The following RMND5A variants were observed in gnomAD, a reference collection of about 807,000 sequenced individuals.
The protein encoded by RMND5A is required for meiotic nuclear division 5 homolog A.
Under a neutral mutation model 49.7 loss-of-function variants are expected in RMND5A, and 17 were observed. The observed-to-expected ratio is 0.34, with a 90% CI of 0.23 to 0.51. The LOEUF (loss-of-function observed/expected upper bound fraction) is 0.51, where lower values mean the gene tolerates loss of function less well. Among genes scored for constraint, RMND5A ranks in the 20% least tolerant of loss-of-function variants. The pLI is 0.96. For missense variants in RMND5A, 255 were observed against 471.3 expected, an observed-to-expected ratio of 0.54 and a Z score of 4.25; for synonymous variants, 156 against 167.7, an observed-to-expected ratio of 0.93 and a Z score of 0.54.
intron 6 of RMND5A, among the ~76,000 whole-genome samples, chr2:86,766,661 C>CAAAAAAAAAAAAAAAAAAAAA (rs59511898): frequency 1.3e-5 from 1 of 77,018 alleles, no homozygotes; most frequent in African/African-American, 5.3e-5. Flanking sequence ...GAGACTGTCT[C>CAAAAAAAAAAAAAAAAAAAAA]AAAAAAAAAA....
At chr2:86,762,711 TATATATC>T (rs1453034278) in intron 4 of RMND5A, among the ~76,000 whole-genome samples, 1 of 133,516 alleles carries the variant, frequency 7.5e-6, no homozygotes, top group African/African-American at 3.0e-5. Context: ...ATATATATCA[TATATATC>T]ATATATATCA....
At chr2:86,755,942 T>G (rs1681729710) in intron 4 of RMND5A, among the ~76,000 whole-genome samples, 1 of 152,204 alleles carries the variant, frequency 6.6e-6, no homozygotes, top group Non-Finnish European at 1.5e-5. Flanking sequence ...TCTTAACCTA[T>G]TCAACCCTCA....
Position 86,776,240 on chromosome 2 carries a change from A to G in RMND5A, c.*2829A>G, listed in dbSNP as rs1361368405. ...GATCTTTTTTCTCCGTTGTGTGATC[A>G]CAGATGCTATTTCTGTTTTATTGGT... On this transcript the variant is annotated 3_prime_UTR_variant, in exon 9 of 9. Coordinates refer to ENST00000283632, the MANE Select transcript of RMND5A (RefSeq NM_022780.4). The G allele has an allele frequency of 2.0e-5, 3 of 152,316 alleles. No homozygotes were observed. The East Asian group carries it at 5.8e-4, about 29-fold the overall frequency. 9.4% of individuals were successfully genotyped at this position (152,316 alleles called of 1,614,324 possible).
In RMND5A at chr2:86,776,930, C is replaced by G. The variant is rs1672780981; in HGVS notation, c.*3519C>G. The G allele has an allele frequency of 6.6e-6, 1 of 152,166 alleles. No homozygotes were observed. The highest frequency in any genetic ancestry group is 1.5e-5 in the Non-Finnish European group (1 of 68,040). 9.4% of individuals were successfully genotyped at this position (152,166 alleles called of 1,614,324 possible). ...ATAGAAGATTTGGTGTTTCATAAGC[C>G]TGTCTAGGTGTGGCAGGTTTTGTGT... On this transcript the variant is annotated 3_prime_UTR_variant, in exon 9 of 9. Coordinates refer to ENST00000283632, the MANE Select transcript of RMND5A (RefSeq NM_022780.4).
intron 2 of RMND5A, among the ~76,000 whole-genome samples, chr2:86,750,111 G>C (rs1353504236): frequency 6.6e-6 from 1 of 152,300 alleles, no homozygotes; most frequent in Non-Finnish European, 1.5e-5. Flanking sequence ...TTTTTAAAAA[G>C]AAATGCAAAA....
At chr2:86,763,733 A>G (rs1277836218) in intron 4 of RMND5A, among the ~76,000 whole-genome samples, 2 of 151,994 alleles carry the variant, frequency 1.3e-5, no homozygotes, top group Non-Finnish European at 2.9e-5. Flanking sequence ...CCACGATTAC[A>G]CTACTGCACA....
chr2:86,757,047 C>T (rs557286316), intron 4 of RMND5A, among the ~76,000 whole-genome samples: 2 of 152,130 alleles, frequency 1.3e-5, no homozygotes, highest in Admixed American at 1.3e-4. Flanking sequence ...GTGGCGCATG[C>T]CTGTAATCCC....
At chr2:86,771,523 T>C (rs1672684627) in intron 7 of RMND5A, 35 bp from the exon 8 acceptor site, 1 of 1,569,256 alleles carries the variant, frequency 6.4e-7, no homozygotes, top group African/African-American at 1.5e-5. Context: ...GAAATATGAC[T>C]TCAGCTTTTT....
chr2:86,760,332 C>T (rs1672445773), intron 4 of RMND5A, among the ~76,000 whole-genome samples: 1 of 152,254 alleles, frequency 6.6e-6, no homozygotes, highest in South Asian at 2.1e-4. Flanking sequence ...GCCTAAGCCA[C>T]TGCACCCAGC....
rs1558728879 is a variant in RMND5A at position 86,774,084 on chromosome 2, AGAGTGGAAG to A, written c.*678_*686del. Reference sequence around the variant, plus strand: ...GGTGTGAGAAGTCTTCCGTTAGCATAGAGTGGAAGGAGTACTATTGTTTGGTTGGGTTTT... The same window carrying A: ...GGTGTGAGAAGTCTTCCGTTAGCATAGAGTACTATTGTTTGGTTGGGTTTT... On this transcript the variant is annotated 3_prime_UTR_variant, in exon 9 of 9. Transcript: ENST00000283632. 6.6e-6 allele frequency: 1 copy of A among 152,664 alleles called. No individual in the cohort carries two copies. The highest frequency in any genetic ancestry group is 1.5e-5 in the Non-Finnish European group (1 of 68,042). 9.5% of individuals were successfully genotyped at this position (152,664 alleles called of 1,614,324 possible).
intron 2 of RMND5A, among the ~76,000 whole-genome samples, chr2:86,743,977 CAA>C (rs11313907): frequency 2.1e-4 from 24 of 117,024 alleles, no homozygotes; most frequent in African/African-American, 2.2e-4. Flanking sequence ...GACTCCATCT[CAA>C]AAAAAAAAAA....
At chr2:86,759,122 C>G (rs531671709) in intron 4 of RMND5A, among the ~76,000 whole-genome samples, 1 of 152,106 alleles carries the variant, frequency 6.6e-6, no homozygotes, top group African/African-American at 2.4e-5. Flanking sequence ...AGACACCCAC[C>G]CAGGCTGGCA....
At chr2:86,745,951 A>C (rs1558721161) in intron 2 of RMND5A, among the ~76,000 whole-genome samples, 1 of 152,242 alleles carries the variant, frequency 6.6e-6, no homozygotes, top group African/African-American at 2.4e-5. Flanking sequence ...GTTGAAGGGG[A>C]ACAATAATAG....
Position 86,767,425 on chromosome 2 carries a change from CTTTTTTTTT to C in RMND5A, c.854+1414_854+1422del, listed in dbSNP as rs11468234. Among the ~76,000 whole-genome samples, 1,321 of 139,546 alleles carry C rather than the reference CTTTTTTTTT, an allele frequency of 9.5e-3. 15 individuals are homozygous for C. The highest frequency in any genetic ancestry group is 0.014 in the Non-Finnish European group (907 of 64,070). The allele number at this position is 139,546 out of a possible 152,430, so 91.5% of individuals were successfully genotyped here. On this transcript the variant is annotated intron_variant, in intron 6 of 8. Coordinates refer to ENST00000283632, the MANE Select transcript of RMND5A (RefSeq NM_022780.4). ...TACGCACACTCAGGTTTTTGGCAGTCTTTTTTTTTTTTTTTTTTTTTGTCTTTTTTCTTA... is the reference window on the plus strand; with the variant it reads ...TACGCACACTCAGGTTTTTGGCAGTCTTTTTTTTTTTTGTCTTTTTTCTTA...
intron 6 of RMND5A, among the ~76,000 whole-genome samples, chr2:86,767,343 G>T (rs1573445667): frequency 1.3e-5 from 2 of 152,076 alleles, no homozygotes; most frequent in African/African-American, 4.8e-5. Context: ...GTTTATAGGC[G>T]TGAGCCACCG....
intron 4 of RMND5A, among the ~76,000 whole-genome samples, chr2:86,763,008 A>AC (rs1482368237): frequency 6.6e-6 from 1 of 152,138 alleles, no homozygotes; most frequent in African/African-American, 2.4e-5. Flanking sequence ...GCACCACTGC[A>AC]CTGCAGCCTG....
intron 2 of RMND5A, among the ~76,000 whole-genome samples, chr2:86,750,797 T>A: frequency 6.6e-6 from 1 of 151,704 alleles, no homozygotes; most frequent in Middle Eastern, 3.2e-3. Flanking sequence ...TAAACTGGTG[T>A]TCAGATTGGA....
At chr2:86,732,211 T>C (rs1195157792) in intron 1 of RMND5A, among the ~76,000 whole-genome samples, 1 of 142,986 alleles carries the variant, frequency 7.0e-6, no homozygotes, top group African/African-American at 2.8e-5. Flanking sequence ...TATTATCTCC[T>C]GATGGCAGAC....
chr2:86,735,022 C>G (rs1249306353), intron 1 of RMND5A, among the ~76,000 whole-genome samples: 1 of 148,016 alleles, frequency 6.8e-6, no homozygotes, highest in Non-Finnish European at 1.5e-5. Context: ...TTGTGTCTGG[C>G]TTATTGAATA....
Sources: gnomAD v4.1 joint callset for allele counts (sites outside exome capture counted in the v4.1 genomes callset) on GRCh38, gnomAD v4.1.1 for gene constraint, MANE v1.5 for transcripts, NCBI Gene and HGNC (gene_info 2026-07-23, HGNC 2026-07-21) for gene names.